The following PFKFB2 variants were observed in gnomAD, a reference collection of about 807,000 sequenced individuals.
PFKFB2 encodes 6-phosphofructo-2-kinase/fructose-2,6-biphosphatase 2.
In PFKFB2, 53 loss-of-function variants were observed where a neutral mutation model predicts 68.0. The ratio of observed to expected loss-of-function variants is 0.78; its 90% CI spans 0.63 to 0.98. The LOEUF (loss-of-function observed/expected upper bound fraction) is 0.98, where lower values mean the gene tolerates loss of function less well. Ranked by LOEUF, PFKFB2 falls within the 50% of genes least tolerant of loss-of-function variation. PFKFB2 has a pLI of 0.00. For missense variants in PFKFB2, 451 were observed against 642.0 expected, an observed-to-expected ratio of 0.70 and a Z score of 3.22; for synonymous variants, 222 against 227.6, an observed-to-expected ratio of 0.98 and a Z score of 0.22.
At chr1:207,055,120 A>C (rs1682881353) in intron 2 of PFKFB2, among the ~76,000 whole-genome samples, 1 of 152,178 alleles carries the variant, frequency 6.6e-6, no homozygotes, top group South Asian at 2.1e-4. Flanking sequence ...ACAATGAGTA[A>C]GGCACAGTTG....
rs1190778870 is a variant in PFKFB2 at position 207,072,658 on chromosome 1, C to T, written c.*287C>T. 17 of 1,197,824 alleles carry T rather than the reference C, an allele frequency of 1.4e-5. No individual in the cohort carries two copies. The highest frequency in any genetic ancestry group is 1.6e-5 in the African/African-American group (1 of 63,560). 74.2% of individuals were successfully genotyped at this position (1,197,824 alleles called of 1,614,324 possible). ...GATCTGGAGGAGGAGGAAAAAGATA[C>T]ACTCCCTTGGGGCTGAGCATGCCCC... On this transcript the variant is annotated 3_prime_UTR_variant, in exon 15 of 15. Transcript: ENST00000367080.
intron 2 of PFKFB2, among the ~76,000 whole-genome samples, chr1:207,042,797 A>G (rs767078388): frequency 9.2e-5 from 14 of 152,114 alleles, no homozygotes; most frequent in Non-Finnish European, 1.9e-4. Context: ...GGAATATTCA[A>G]CGTTAGGATT....
At chr1:207,065,256 TC>T (rs1683249996) in intron 8 of PFKFB2, 96 bp downstream of exon 8, 1 of 1,555,584 alleles carries the variant, frequency 6.4e-7, no homozygotes, top group East Asian at 2.3e-5. Context: ...CTTCTGATAA[TC>T]TAGATCTACA....
At chr1:207,061,200 T>TATATATATATATA (rs1683106137) in intron 2 of PFKFB2, among the ~76,000 whole-genome samples, 1 of 121,184 alleles carries the variant, frequency 8.3e-6, no homozygotes, top group South Asian at 2.5e-4. Context: ...TATATATATA[T>TATATATATATATA]ATTTTAAGAG....
At position 207,063,882 on chromosome 1, in the gene PFKFB2, T is replaced by A; in HGVS notation, c.507+53T>A. The A allele has an allele frequency of 7.5e-7, 1 of 1,326,354 alleles. No individual in the cohort carries two copies. The highest frequency in any genetic ancestry group is 1.1e-6 in the Non-Finnish European group (1 of 927,430). 82.2% of individuals were successfully genotyped at this position (1,326,354 alleles called of 1,614,324 possible). A position where few individuals can be genotyped will look rare whatever the true frequency, so the allele number is the denominator to read the frequency against. ...CTCTTCACCTTTTGTGCTGTGTGTG[T>A]TGTGGGGTGTGTGTGTGTGTGTGTG... On this transcript the variant is annotated intron_variant, in intron 7 of 14. Coordinates refer to ENST00000367080, the MANE Select transcript of PFKFB2 (RefSeq NM_006212.2). The surrounding 1 kb of genome is among the most constrained non-coding windows in gnomAD (Gnocchi z 4.1).
At position 207,076,832 on chromosome 1, in the gene PFKFB2, G is replaced by A. The variant is rs2102289958; in HGVS notation, c.*4461G>A. On this transcript the variant is annotated 3_prime_UTR_variant, in exon 15 of 15. Transcript: ENST00000367080. ...AAATTTGGGTGTTGCCTGACTAACG[G>A]TCTAGGGTCTGTAAGCTGACAGTCT... 2 of 985,354 alleles carry A rather than the reference G, an allele frequency of 2.0e-6. No homozygotes were observed. The highest frequency in any genetic ancestry group is 9.4e-5 in the South Asian group (2 of 21,276). 61.0% of individuals were successfully genotyped at this position (985,354 alleles called of 1,614,324 possible). A position where few individuals can be genotyped will look rare whatever the true frequency, so the allele number is the denominator to read the frequency against.
intron 7 of PFKFB2, among the ~76,000 whole-genome samples, chr1:207,064,073 G>A (rs1683207882): frequency 6.6e-6 from 1 of 152,180 alleles, no homozygotes; most frequent in Non-Finnish European, 1.5e-5. Flanking sequence ...AGAATTAGCT[G>A]TTGAATTGAA....
At chr1:207,047,852 CAAAGTA>C (rs902162844) in intron 2 of PFKFB2, 8 of 152,082 alleles carry the variant, frequency 5.3e-5, no homozygotes, top group Non-Finnish European at 8.8e-5. Flanking sequence ...CTTCAAAAAT[CAAAGTA>C]AAAGATTGCA....
At chr1:207,064,325 T>C (rs1683215979) in intron 7 of PFKFB2, among the ~76,000 whole-genome samples, 1 of 151,706 alleles carries the variant, frequency 6.6e-6, no homozygotes, top group African/African-American at 2.4e-5. Context: ...AGTGAGAACA[T>C]GTCCAGGGAG....
chr1:207,065,856 C>T (rs923458540), intron 8 of PFKFB2, among the ~76,000 whole-genome samples: 4 of 152,190 alleles, frequency 2.6e-5, no homozygotes, highest in African/African-American at 9.7e-5. Context: ...TGTCTCCAGA[C>T]ATGTCAGAGG....
In PFKFB2 at chr1:207,072,884, G is replaced by A; in HGVS notation, c.*513G>A. On this transcript the variant is annotated 3_prime_UTR_variant, in exon 15 of 15. Transcript: ENST00000367080. ...CCCACTTTCATGTCCCCTCTGGATTGTCCAGTGTAATGCATGGCATTGTGG... is the reference window on the plus strand; with the variant it reads ...CCCACTTTCATGTCCCCTCTGGATTATCCAGTGTAATGCATGGCATTGTGG... 1.9e-5 allele frequency: 19 copies of A among 988,030 alleles called. No homozygotes were observed. The highest frequency in any genetic ancestry group is 2.3e-5 in the Non-Finnish European group (19 of 831,822). The allele number at this position is 988,030 out of a possible 1,614,324, so 61.2% of individuals were successfully genotyped here. A position where few individuals can be genotyped will look rare whatever the true frequency, so the allele number is the denominator to read the frequency against.
intron 1 of PFKFB2, among the ~76,000 whole-genome samples, chr1:207,041,848 A>G (rs1246720634): frequency 6.6e-6 from 1 of 152,202 alleles, no homozygotes; most frequent in Non-Finnish European, 1.5e-5. Flanking sequence ...CACTCCCACC[A>G]ACAGTGTAAC....
At chr1:207,035,085 G>T in intron 1 of PFKFB2, 1 of 822,798 alleles carries the variant, frequency 1.2e-6, no homozygotes, top group Non-Finnish European at 1.5e-6. Context: ...GAGGGGGTAT[G>T]TGTGTCATTG....
rs867459174 is a variant in PFKFB2, at chr1:207,076,756, C to G, written c.*4385C>G. 1 of 974,456 alleles carries G rather than the reference C, an allele frequency of 1.0e-6. No individual in the cohort carries two copies. The highest frequency in any genetic ancestry group is 4.8e-5 in the South Asian group (1 of 20,750). The allele number at this position is 974,456 out of a possible 1,614,324, so 60.4% of individuals were successfully genotyped here. A position where few individuals can be genotyped will look rare whatever the true frequency, so the allele number is the denominator to read the frequency against. Reference sequence around the variant, plus strand: ...TGACTCTAGTAGGATCTGTTTGTCACTGACAGACTGTAGTAGTGTCTGTGT... The same window carrying G: ...TGACTCTAGTAGGATCTGTTTGTCAGTGACAGACTGTAGTAGTGTCTGTGT... On this transcript the variant is annotated 3_prime_UTR_variant, in exon 15 of 15. Coordinates refer to ENST00000367080, the MANE Select transcript of PFKFB2 (RefSeq NM_006212.2).
At chr1:207,054,637 C>CT (rs1338661677) in intron 1 of PFKFB2, 64 bp from the exon 2 acceptor site, 19 of 1,191,514 alleles carry the variant, frequency 1.6e-5, no homozygotes, top group South Asian at 5.3e-5. Flanking sequence ...AATGCACTGA[C>CT]TTTTTTTAAG....
intron 14 of PFKFB2, among the ~76,000 whole-genome samples, chr1:207,071,985 G>A (rs954281773): frequency 3.3e-5 from 5 of 152,092 alleles, no homozygotes; most frequent in African/African-American, 9.7e-5. Flanking sequence ...CCTTTCTTTG[G>A]GTCTTTTTCC....
chr1:207,050,091 ATCTAC>A (rs140605738), upstream of PFKFB2, among the ~76,000 whole-genome samples: 878 of 152,338 alleles, frequency 5.8e-3, 6 homozygotes, highest in Non-Finnish European at 0.011. Flanking sequence ...CCGGAAACTT[ATCTAC>A]TCTAGAGTGT....
rs201487012 is a variant in PFKFB2, at chr1:207,068,140, T to C, written c.841-23T>C. 9.7e-5 allele frequency: 154 copies of C among 1,594,694 alleles called. 1 individual carries two copies. Among genetic ancestry groups the C allele is most frequent in the South Asian group, 4.8e-4 (43 of 89,060 alleles). On this transcript the variant is annotated intron_variant, in intron 9 of 14. Coordinates refer to ENST00000367080, the MANE Select transcript of PFKFB2 (RefSeq NM_006212.2). ...TGTCTGTGTGTTTTCTTTTTACCCT[T>C]AATTTTCATTTTTAAACCCCAGTTT...
upstream of PFKFB2, among the ~76,000 whole-genome samples, chr1:207,052,598 G>C (rs1409730589): frequency 6.6e-6 from 1 of 152,178 alleles, no homozygotes; most frequent in Non-Finnish European, 1.5e-5. Context: ...AAGTTGCGGT[G>C]CCAAGGTCGT....
Sources: allele counts gnomAD v4.1 joint callset (sites outside exome capture counted in the v4.1 genomes callset), GRCh38; gene constraint gnomAD v4.1.1; non-coding constraint Gnocchi (gnomAD v3.1); transcripts MANE v1.5; gene names NCBI Gene and HGNC (gene_info 2026-07-23, HGNC 2026-07-21).